CELF5: variants seen among roughly 807,000 people sequenced by gnomAD.
The protein encoded by CELF5 is CUGBP Elav-like family member 5, also known as CUG-BP and ETR-3 like factor 5.
In CELF5, 6 loss-of-function variants were observed where a neutral mutation model predicts 54.9. That is an observed-to-expected ratio of 0.11 (90% confidence interval 0.06 to 0.22). The LOEUF is 0.22. Ranked by LOEUF, CELF5 falls within the 10% of genes least tolerant of loss-of-function variation. The pLI is 1.00. For synonymous variants in CELF5, 271 were observed against 290.9 expected (o/e 0.93, Z 0.70); for missense variants, 401 against 678.6 (o/e 0.59, Z 4.54).
At chr19:3,280,325 C>A (rs2080127259) in intron 5 of CELF5, among the ~76,000 whole-genome samples, 1 of 152,052 alleles carries the variant, frequency 6.6e-6, no homozygotes, top group African/African-American at 2.4e-5. Flanking sequence ...AATCCCAGCA[C>A]TTTGGGAGGT....
intron 10 of CELF5, among the ~76,000 whole-genome samples, chr19:3,287,928 C>T (rs1334716465): frequency 6.6e-6 from 1 of 152,120 alleles, no homozygotes; most frequent in Non-Finnish European, 1.5e-5. Flanking sequence ...AGAATGTGCA[C>T]GTGGAAACGG....
At chr19:3,247,284 G>T (rs971687306) in intron 1 of CELF5, among the ~76,000 whole-genome samples, 1 of 151,956 alleles carries the variant, frequency 6.6e-6, no homozygotes, top group Admixed American at 6.6e-5. Flanking sequence ...CTGCCACCAC[G>T]CCCGACTAAT....
intron 2 of CELF5, among the ~76,000 whole-genome samples, chr19:3,255,194 A>AT (rs1213324735): frequency 6.6e-6 from 1 of 151,134 alleles, no homozygotes; most frequent in Non-Finnish European, 1.5e-5. Flanking sequence ...ACACCCCCCA[A>AT]TTTTTTTTGA....
Position 3,251,075 on chromosome 19 carries a change from C to T in CELF5, c.342+8C>T, listed in dbSNP as rs371080864. ...CAGAAGACCTTGCCCGGAGTGAGTC[C>T]TGTGTGGTGTCTGGGGAGGAGGGGA... is the stretch of plus-strand genomic sequence containing the variant. On this transcript the variant is annotated splice_region_variant and intron_variant, in intron 2 of 12. Transcript: ENST00000292672. The T allele has an allele frequency of 2.5e-6, 4 of 1,611,296 alleles. No individual in the cohort carries two copies. In the African/African-American group the frequency reaches 5.3e-5, roughly 22 times the overall value.
rs540569482 is a variant in CELF5 at position 3,266,292 on chromosome 19, A to G, written c.343-7580A>G. ...TCTCAGGGAGAGCTGCTTCGACTCC[A>G]TCCCTGTTTTAGCTAGTCTTCAGTT... On this transcript the variant is annotated intron_variant, in intron 2 of 12. Transcript: ENST00000292672. Among the ~76,000 whole-genome samples the G allele has an allele frequency of 2.6e-4, 39 of 151,968 alleles. No homozygotes were observed. The East Asian group carries it at 7.2e-3, about 28-fold the overall frequency.
chr19:3,271,902 G>A (rs2145217598), intron 2 of CELF5, among the ~76,000 whole-genome samples: 1 of 152,296 alleles, frequency 6.6e-6, no homozygotes, highest in East Asian at 1.9e-4. Flanking sequence ...TTATGGCAGT[G>A]GGTGGACAGA....
intron 11 of CELF5, 32 bp from the exon 12 acceptor site, chr19:3,293,287 C>T (rs776483305): frequency 6.2e-7 from 1 of 1,613,018 alleles, no homozygotes; most frequent in Non-Finnish European, 8.5e-7. Context: ...ACCCGCAGCG[C>T]CAACCACGGA....
rs914527799 is a variant in CELF5, at chr19:3,275,034, C to G, written c.395-822C>G. 3.3e-5 allele frequency among the ~76,000 whole-genome samples: 5 copies of G among 152,072 alleles called. No individual in the cohort carries two copies. The highest frequency in any genetic ancestry group is 1.2e-4 in the African/African-American group (5 of 41,374). On this transcript the variant is annotated intron_variant, in intron 3 of 12. Coordinates refer to ENST00000292672, the MANE Select transcript of CELF5 (RefSeq NM_021938.4). This position sits in a 1 kb window ranked among gnomAD's most constrained non-coding sequence, Gnocchi z 6.7. ...TCTCTCTGATCTGTCTCTCTCTCTC[C>G]CTGATTCTCAGTCTCTCTGCTGGTT...
chr19:3,231,858 ATGAG>A (rs1917282280), intron 1 of CELF5, among the ~76,000 whole-genome samples: 1 of 151,238 alleles, frequency 6.6e-6, no homozygotes, highest in Non-Finnish European at 1.5e-5. Flanking sequence ...GCATGAATGA[ATGAG>A]TGAATGAGTG....
intron 5 of CELF5, among the ~76,000 whole-genome samples, chr19:3,279,219 T>A (rs538189150): frequency 9.9e-5 from 15 of 152,028 alleles, no homozygotes; most frequent in Non-Finnish European, 1.9e-4. Flanking sequence ...GGGGGGCCTG[T>A]TGACTCACTG....
intron 1 of CELF5, among the ~76,000 whole-genome samples, chr19:3,244,215 G>T (rs2079528985): frequency 6.6e-6 from 1 of 152,076 alleles, no homozygotes; most frequent in African/African-American, 2.4e-5. Flanking sequence ...GACAGCGTCA[G>T]GGCGGGCTTT....
intron 2 of CELF5, among the ~76,000 whole-genome samples, chr19:3,255,484 C>T (rs1010114529): frequency 2.0e-5 from 3 of 152,130 alleles, no homozygotes; most frequent in Admixed American, 2.0e-4. Flanking sequence ...GAGCCTACTG[C>T]CCCCGACTGC....
intron 2 of CELF5, among the ~76,000 whole-genome samples, chr19:3,269,245 G>A (rs1467022812): frequency 6.6e-6 from 1 of 152,104 alleles, no homozygotes; most frequent in Non-Finnish European, 1.5e-5. Context: ...GCACAATCTT[G>A]GCTCACTGCA....
At chr19:3,248,974 G>A (rs939114390) in intron 1 of CELF5, among the ~76,000 whole-genome samples, 1 of 144,714 alleles carries the variant, frequency 6.9e-6, no homozygotes, top group African/African-American at 2.6e-5. Context: ...GGAAACTGTT[G>A]TCAGCTCTGC....
intron 12 of CELF5, chr19:3,296,340 A>G (rs1599501568): frequency 2.0e-5 from 3 of 148,472 alleles, no homozygotes; most frequent in African/African-American, 2.5e-5. Context: ...AAGAAAGAAA[A>G]AAAAAAAAAA....
chr19:3,260,465 T>A (rs2079792470), intron 2 of CELF5, among the ~76,000 whole-genome samples: 1 of 151,728 alleles, frequency 6.6e-6, no homozygotes, highest in Non-Finnish European at 1.5e-5. Flanking sequence ...TATTTTATTT[T>A]ATTTTTAGAC....
intron 1 of CELF5, among the ~76,000 whole-genome samples, chr19:3,234,032 G>T (rs372561117): frequency 3.3e-5 from 5 of 152,268 alleles, no homozygotes; most frequent in African/African-American, 1.2e-4. Flanking sequence ...CAGCCTTTGA[G>T]GGTGGGGTCT....
intron 1 of CELF5, among the ~76,000 whole-genome samples, chr19:3,250,490 A>C (rs1337195262): frequency 1.3e-5 from 2 of 152,120 alleles, no homozygotes; most frequent in Non-Finnish European, 2.9e-5. Context: ...CTCCGTCTCA[A>C]AATAAATAAA....
chr19:3,278,466 C>T lies in CELF5; in HGVS notation c.603+356C>T, dbSNP rs547218081. Among the ~76,000 whole-genome samples, 10 of 150,800 alleles carry T rather than the reference C, an allele frequency of 6.6e-5. No individual in the cohort carries two copies. Among genetic ancestry groups the T allele is most frequent in the South Asian group, 2.1e-4 (1 of 4,766 alleles). ...GTTTGAGTGTGTCATTACTAGTAGGCGAGTGTTATGTGAGTGCTGTGTGCA... is the reference window on the plus strand; with the variant it reads ...GTTTGAGTGTGTCATTACTAGTAGGTGAGTGTTATGTGAGTGCTGTGTGCA... On this transcript the variant is annotated intron_variant, in intron 5 of 12. Coordinates refer to ENST00000292672, the MANE Select transcript of CELF5 (RefSeq NM_021938.4). This position sits in a 1 kb window ranked among gnomAD's most constrained non-coding sequence, Gnocchi z 4.5.
Sources: gnomAD v4.1 joint callset for allele counts (sites outside exome capture counted in the v4.1 genomes callset) on GRCh38, gnomAD v4.1.1 for gene constraint, Gnocchi (gnomAD v3.1) non-coding constraint, MANE v1.5 for transcripts, NCBI Gene and HGNC (gene_info 2026-07-23, HGNC 2026-07-21) for gene names.